The following SATB1 variants were observed in gnomAD, a reference collection of about 807,000 sequenced individuals.
SATB1 encodes the protein DNA-binding protein SATB1.
SATB1 carries 11 observed loss-of-function variants against 86.9 expected under a neutral mutation model. The observed-to-expected ratio is 0.13, with a 90% CI of 0.08 to 0.21. The LOEUF (loss-of-function observed/expected upper bound fraction) is 0.21. SATB1 is among the 10% of genes least tolerant of loss of function. The probability of loss-of-function intolerance (pLI) is 1.00; values close to 1 mark genes in which losing one functional copy is unlikely to be tolerated. For synonymous variants in SATB1, 357 were observed against 357.2 expected (o/e 1.00, Z 0.01); for missense variants, 551 against 937.6 (o/e 0.59, Z 5.39).
chr3:18,390,146 T>A (rs1034272139), intron 7 of SATB1, among the ~76,000 whole-genome samples: 16 of 152,274 alleles, frequency 1.1e-4, no homozygotes, highest in African/African-American at 3.8e-4. Flanking sequence ...ATGAATTCTT[T>A]AAAACAGCAG....
At chr3:18,367,304 A>G (rs1485020294) in intron 9 of SATB1, among the ~76,000 whole-genome samples, 1 of 152,232 alleles carries the variant, frequency 6.6e-6, no homozygotes, top group Admixed American at 6.6e-5. Context: ...CTTAGGCTAC[A>G]CTGCAAATGA....
At chr3:18,397,503 A>G (rs1202248795) in intron 5 of SATB1, among the ~76,000 whole-genome samples, 1 of 152,212 alleles carries the variant, frequency 6.6e-6, no homozygotes, top group Non-Finnish European at 1.5e-5. Context: ...CACTGAGACC[A>G]GTATAAAGCT....
chr3:18,418,141 T>A (rs534347756), intron 2 of SATB1, among the ~76,000 whole-genome samples: 28 of 152,210 alleles, frequency 1.8e-4, no homozygotes, highest in African/African-American at 6.0e-4. Context: ...ATGACAAGGG[T>A]TACTTTAACA....
chr3:18,389,180 G>C (rs1696500599), intron 7 of SATB1, among the ~76,000 whole-genome samples: 1 of 151,132 alleles, frequency 6.6e-6, no homozygotes, highest in Non-Finnish European at 1.5e-5. Context: ...ATGGTATAAA[G>C]TGATGTTTCA....
Position 18,423,771 on chromosome 3 carries a change from C to G in SATB1, c.-169G>C, listed in dbSNP as rs1370407559. On this transcript the variant is annotated 5_prime_UTR_variant, in exon 1 of 11. Coordinates refer to ENST00000338745, the MANE Select transcript of SATB1 (RefSeq NM_002971.6). ...AAAAAAAAAATAAAAAAGCAGCAGA[C>G]CTGAAGGCGACTTCCCCTGAAATTG... The G allele has an allele frequency of 1.3e-5, 2 of 150,358 alleles. No individual in the cohort carries two copies. The highest frequency in any genetic ancestry group is 4.9e-5 in the African/African-American group (2 of 40,948). The allele number at this position is 150,358 out of a possible 1,614,324, so 9.3% of individuals were successfully genotyped here.
At chr3:18,438,842 C>CG (rs1158885947), upstream of SATB1, 15 of 152,546 alleles carry the variant, frequency 9.8e-5, no homozygotes, top group South Asian at 2.1e-4. Context: ...GAAAGGGGTG[C>CG]GGGGGGCGGG....
intron 9 of SATB1, among the ~76,000 whole-genome samples, chr3:18,358,188 C>T (rs532417528): frequency 1.3e-5 from 2 of 151,996 alleles, no homozygotes; most frequent in South Asian, 4.2e-4. Flanking sequence ...AGAAGCGATG[C>T]ACTTTTTCTT....
intron 5 of SATB1, among the ~76,000 whole-genome samples, chr3:18,404,274 T>C (rs916053941): frequency 2.0e-5 from 3 of 152,056 alleles, no homozygotes; most frequent in Non-Finnish European, 2.9e-5. Flanking sequence ...TTCCCAAATC[T>C]TTCCCTCTGG....
intron 6 of SATB1, 28 bp downstream of exon 6, chr3:18,397,151 C>A (rs762184378): frequency 1.2e-5 from 14 of 1,207,508 alleles, no homozygotes; most frequent in Non-Finnish European, 1.7e-5. Context: ...TGGTATGTAG[C>A]CACTGCTGCA....
Position 18,352,455 on chromosome 3 carries a change from A to C in SATB1, c.1576-260T>G. On this transcript the variant is annotated intron_variant, in intron 9 of 10. Coordinates refer to ENST00000338745, the MANE Select transcript of SATB1 (RefSeq NM_002971.6). This position sits in a 1 kb window ranked among gnomAD's most constrained non-coding sequence, Gnocchi z 4.1. ...TTTCAGACTCTGAGGGTAACAGAGC[A>C]TTTATCACAGATTTTTTAATATATG... 1 of 414,294 alleles carries C rather than the reference A, an allele frequency of 2.4e-6. No individual in the cohort carries two copies. Among genetic ancestry groups the C allele is most frequent in the Non-Finnish European group, 4.4e-6 (1 of 227,536 alleles). 25.7% of individuals were successfully genotyped at this position (414,294 alleles called of 1,614,324 possible).
chr3:18,428,561 G>T (rs1163546048), upstream of SATB1, among the ~76,000 whole-genome samples: 1 of 152,048 alleles, frequency 6.6e-6, no homozygotes, highest in African/African-American at 2.4e-5. Context: ...TCAATACAGG[G>T]ATCTTATATT....
intron 9 of SATB1, among the ~76,000 whole-genome samples, chr3:18,358,762 C>T (rs1002418195): frequency 1.3e-5 from 2 of 151,946 alleles, no homozygotes; most frequent in African/African-American, 4.8e-5. Context: ...TAATAATAAT[C>T]TTCTTTTTAA....
intron 9 of SATB1, among the ~76,000 whole-genome samples, chr3:18,359,113 T>C (rs1694789167): frequency 6.6e-6 from 1 of 152,058 alleles, no homozygotes; most frequent in Admixed American, 6.6e-5. Context: ...TTATTTACAA[T>C]TTAATCAGAT....
intron 8 of SATB1, among the ~76,000 whole-genome samples, chr3:18,382,372 T>C (rs1696110675): frequency 6.6e-6 from 1 of 152,174 alleles, no homozygotes; most frequent in Non-Finnish European, 1.5e-5. Context: ...ACAGTCTTCA[T>C]GGAAACAAAC....
At chr3:18,428,894 C>A (rs966185699), upstream of SATB1, among the ~76,000 whole-genome samples, 2 of 152,182 alleles carry the variant, frequency 1.3e-5, no homozygotes, top group Non-Finnish European at 2.9e-5. Flanking sequence ...TTGTAATAAA[C>A]AGAGAAAGCA....
At chr3:18,415,256 A>C (rs1281624570) in intron 4 of SATB1, 22 bp from the exon 5 acceptor site, 1 of 1,611,890 alleles carries the variant, frequency 6.2e-7, no homozygotes, top group East Asian at 2.2e-5. Context: ...ATAGATTAGA[A>C]AGGGGATTAT....
chr3:18,373,107 C>T (rs979464673), intron 9 of SATB1, among the ~76,000 whole-genome samples: 9 of 152,192 alleles, frequency 5.9e-5, no homozygotes, highest in Admixed American at 2.0e-4. Flanking sequence ...TCAGGGTGTC[C>T]TCTACACATT....
At position 18,352,576 on chromosome 3, in the gene SATB1, G is replaced by GT. The variant is rs1694422382; in HGVS notation, c.1576-382_1576-381insA. Reference sequence around the variant, plus strand: ...TCTGAGGATACGGAAGTGCCTAAGAGGCAGGACAGATTTTAGAAATAATTT... The same window carrying GT: ...TCTGAGGATACGGAAGTGCCTAAGAGTGCAGGACAGATTTTAGAAATAATTT... On this transcript the variant is annotated intron_variant, in intron 9 of 10. Transcript: ENST00000338745. This position sits in a 1 kb window ranked among gnomAD's most constrained non-coding sequence, Gnocchi z 4.1. The GT allele has an allele frequency of 5.2e-6, 1 of 193,448 alleles. No homozygotes were observed. Among genetic ancestry groups the GT allele is most frequent in the African/African-American group, 2.3e-5 (1 of 42,898 alleles). The allele number at this position is 193,448 out of a possible 1,614,324, so 12.0% of individuals were successfully genotyped here.
chr3:18,351,717 C>CA, intron 10 of SATB1: 1 of 523,830 alleles, frequency 1.9e-6, no homozygotes, highest in Non-Finnish European at 3.4e-6. Flanking sequence ...ACACAAAACC[C>CA]AATACCAACA....
Sources: allele counts gnomAD v4.1 joint callset (sites outside exome capture counted in the v4.1 genomes callset), GRCh38; gene constraint gnomAD v4.1.1; non-coding constraint Gnocchi (gnomAD v3.1); transcripts MANE v1.5; gene names NCBI Gene and HGNC (gene_info 2026-07-23, HGNC 2026-07-21).